RAD54L2: variants seen among roughly 807,000 people sequenced by gnomAD.
RAD54L2 encodes helicase ARIP4.
Under a neutral mutation model 138.4 loss-of-function variants are expected in RAD54L2, and 27 were observed. The observed-to-expected ratio is 0.20, with a 90% CI of 0.14 to 0.27. The LOEUF (loss-of-function observed/expected upper bound fraction) is 0.27, where lower values mean the gene tolerates loss of function less well. Among genes scored for constraint, RAD54L2 ranks in the 10% least tolerant of loss-of-function variants. The probability of loss-of-function intolerance (pLI) is 1.00; values close to 1 mark genes in which losing one functional copy is unlikely to be tolerated. For missense variants in RAD54L2, 1,396 were observed against 1,890.2 expected (o/e 0.74, Z 4.85); for synonymous variants, 644 against 723.2 (o/e 0.89, Z 1.76).
intron 2 of RAD54L2, among the ~76,000 whole-genome samples, chr3:51,555,893 G>A (rs779847823): frequency 6.6e-6 from 1 of 152,150 alleles, no homozygotes; most frequent in Non-Finnish European, 1.5e-5. Context: ...GAATGTCAGA[G>A]CCTCCTCCCT....
intron 2 of RAD54L2, among the ~76,000 whole-genome samples, chr3:51,581,036 G>A (rs1430925119): frequency 6.6e-6 from 1 of 152,138 alleles, no homozygotes; most frequent in Non-Finnish European, 1.5e-5. Flanking sequence ...TACCATGTAG[G>A]TGTAGCTATT....
At chr3:51,590,687 A>AC in intron 3 of RAD54L2, 128 bp downstream of exon 3, 1 of 1,255,358 alleles carries the variant, frequency 8.0e-7, no homozygotes, top group Non-Finnish European at 1.1e-6. Context: ...CAGACTAGGA[A>AC]CTGAGATGCA....
chr3:51,621,889 A>C lies in RAD54L2; in HGVS notation c.140-5664A>C, dbSNP rs573374113. Among the ~76,000 whole-genome samples the C allele has an allele frequency of 2.0e-5, 3 of 152,300 alleles. No individual in the cohort carries two copies. In the East Asian group the frequency reaches 5.8e-4, roughly 29 times the overall value. ...GTATTGGTGGAAGTAGTCATTTAGC[A>C]GTAGATATCCTCTCTTGGGGAGTCT... On this transcript the variant is annotated intron_variant, in intron 3 of 22. Coordinates refer to ENST00000684192, the MANE Select transcript of RAD54L2 (RefSeq NM_015106.4).
chr3:51,639,491 G>T lies in RAD54L2; in HGVS notation c.1933G>T (p.Val645Leu). The change falls in exon 13 of 23, where the codon GTG (valine) becomes TTG (leucine). Residue 645 changes from valine (V) to leucine (L), a missense_variant. Coordinates refer to ENST00000684192, the MANE Select transcript of RAD54L2 (RefSeq NM_015106.4). ...ESLANEQDLD[V>L]EELGSAGTSA... ...CTTGGCCAATGAGCAGGACCTAGAC[G>T]TGGAAGAACTTGGCTCTGCAGGGAC... 6.2e-7 allele frequency: 1 copy of T among 1,613,994 alleles called. No individual in the cohort carries two copies. The highest frequency in any genetic ancestry group is 8.5e-7 in the Non-Finnish European group (1 of 1,179,884).
Position 51,633,457 on chromosome 3 carries a change from C to T in RAD54L2, c.826-120C>T, listed in dbSNP as rs1317520408. On this transcript the variant is annotated intron_variant, in intron 7 of 22. Coordinates refer to ENST00000684192, the MANE Select transcript of RAD54L2 (RefSeq NM_015106.4). ...ACAGGGAATCTTCTATGGCCATCCA[C>T]ACCTGCTATCTATTATAACGCCTTC... 6 of 968,078 alleles carry T rather than the reference C, an allele frequency of 6.2e-6. No individual in the cohort carries two copies. The East Asian group carries it at 7.3e-5, about 12-fold the overall frequency. 60.0% of individuals were successfully genotyped at this position (968,078 alleles called of 1,614,324 possible). A position where few individuals can be genotyped will look rare whatever the true frequency, so the allele number is the denominator to read the frequency against.
chr3:51,587,363 A>G (rs577190951), intron 2 of RAD54L2, among the ~76,000 whole-genome samples: 2 of 152,102 alleles, frequency 1.3e-5, no homozygotes, highest in South Asian at 4.1e-4. Flanking sequence ...CGGCCTCCCA[A>G]AGTGCTGGGA....
intron 2 of RAD54L2, among the ~76,000 whole-genome samples, chr3:51,569,445 G>A (rs975959286): frequency 1.3e-5 from 2 of 151,272 alleles, no homozygotes; most frequent in Admixed American, 6.6e-5. Flanking sequence ...GTGCAGTGGC[G>A]CGATCTCAGC....
At chr3:51,569,482 C>T (rs1034308713) in intron 2 of RAD54L2, among the ~76,000 whole-genome samples, 2 of 151,878 alleles carry the variant, frequency 1.3e-5, no homozygotes, top group Non-Finnish European at 2.9e-5. Context: ...CTCCCAGGTT[C>T]GAGCAATTCT....
At chr3:51,631,565 A>G (rs1486925296) in intron 7 of RAD54L2, among the ~76,000 whole-genome samples, 1 of 145,044 alleles carries the variant, frequency 6.9e-6, no homozygotes, top group Non-Finnish European at 1.5e-5. Context: ...GCTGATCTTG[A>G]ACTCCTGAGC....
intron 19 of RAD54L2, among the ~76,000 whole-genome samples, chr3:51,651,320 G>C (rs757500610): frequency 1.6e-4 from 25 of 152,116 alleles, no homozygotes; most frequent in Non-Finnish European, 1.8e-4. Context: ...AAAAAGTCCA[G>C]GACCAGATGG....
intron 3 of RAD54L2, among the ~76,000 whole-genome samples, chr3:51,618,057 C>G (rs1206852094): frequency 6.6e-6 from 1 of 151,558 alleles, no homozygotes; most frequent in Non-Finnish European, 1.5e-5. Flanking sequence ...TTCCTGGGTT[C>G]AAGCAATTCT....
intron 3 of RAD54L2, among the ~76,000 whole-genome samples, chr3:51,614,673 G>A (rs905820863): frequency 3.9e-5 from 6 of 152,060 alleles, no homozygotes; most frequent in Middle Eastern, 3.4e-3. Context: ...CCACCATATC[G>A]GGCTAATTTT....
At chr3:51,634,399 T>TTG (rs1263935544) in intron 9 of RAD54L2, among the ~76,000 whole-genome samples, 1 of 146,214 alleles carries the variant, frequency 6.8e-6, no homozygotes, top group Non-Finnish European at 1.5e-5. Flanking sequence ...AGACGGAGTC[T>TTG]TGTTCTGTCA....
Position 51,664,507 on chromosome 3 carries a change from A to AT in RAD54L2, c.*1089dup, listed in dbSNP as rs1203431875. Reference sequence around the variant, plus strand: ...CATGTTAATTTATTTCTTATGGGCAATTATTTATTACTTGGACTTTTCATG... The same window carrying AT: ...CATGTTAATTTATTTCTTATGGGCAATTTATTTATTACTTGGACTTTTCATG... On this transcript the variant is annotated 3_prime_UTR_variant, in exon 23 of 23. Coordinates refer to ENST00000684192, the MANE Select transcript of RAD54L2 (RefSeq NM_015106.4). 1.3e-5 allele frequency: 2 copies of AT among 151,690 alleles called. No homozygotes were observed. The highest frequency in any genetic ancestry group is 2.9e-5 in the Non-Finnish European group (2 of 67,950). 9.4% of individuals were successfully genotyped at this position (151,690 alleles called of 1,614,324 possible).
intron 2 of RAD54L2, among the ~76,000 whole-genome samples, chr3:51,585,118 C>T (rs1434428903): frequency 6.6e-6 from 1 of 152,068 alleles, no homozygotes; most frequent in African/African-American, 2.4e-5. Context: ...GCCTGTTTTT[C>T]TACTCTTAAA....
Position 51,637,309 on chromosome 3 carries a change from A to G in RAD54L2, c.1488A>G (p.Gln496=), listed in dbSNP as rs1370720268. The change falls in exon 11 of 23, where the codon CAA becomes CAG. Residue 496 remains glutamine (Q), a synonymous_variant. Transcript: ENST00000684192. This position sits in a 1 kb window ranked among gnomAD's most constrained non-coding sequence, Gnocchi z 5.9. ...TGGTGCTGACTGGGTACCCTCTGCA[A>G]AACAACCTCATTGAGTACTGGTGCA... is the stretch of plus-strand genomic sequence containing the variant. ...RRVVLTGYPL[Q]NNLIEYWCMV... 4 of 1,613,214 alleles carry G rather than the reference A, an allele frequency of 2.5e-6. No individual in the cohort carries two copies. The East Asian group carries it at 6.7e-5, about 27-fold the overall frequency.
At chr3:51,610,657 A>AAAAAAAAAAAAAAAC (rs1180965179) in intron 3 of RAD54L2, among the ~76,000 whole-genome samples, 2 of 151,184 alleles carry the variant, frequency 1.3e-5, no homozygotes, top group Admixed American at 6.6e-5. Context: ...AAAAAAAAAA[A>AAAAAAAAAAAAAAAC]CAGAAAGAAT....
chr3:51,570,165 A>C (rs1247414213), intron 2 of RAD54L2, among the ~76,000 whole-genome samples: 30 of 80,928 alleles, frequency 3.7e-4, no homozygotes. Context: ...TTTTTTTTTG[A>C]GACAGAGTCT....
chr3:51,564,158 C>T (rs1699160960), intron 2 of RAD54L2, among the ~76,000 whole-genome samples: 1 of 152,198 alleles, frequency 6.6e-6, no homozygotes, highest in African/African-American at 2.4e-5. Flanking sequence ...CTTAGGAAAT[C>T]TCAGGCCAGG....
Sources: allele counts gnomAD v4.1 joint callset (sites outside exome capture counted in the v4.1 genomes callset), GRCh38; gene constraint gnomAD v4.1.1; non-coding constraint Gnocchi (gnomAD v3.1); transcripts MANE v1.5; gene names NCBI Gene and HGNC (gene_info 2026-07-23, HGNC 2026-07-21).